XKR4: variants seen among roughly 807,000 people sequenced by gnomAD.
XKR4 encodes the protein XK related 4.
A neutral mutation model predicts 53.9 loss-of-function variants in XKR4; 12 were observed. The observed-to-expected ratio is 0.22, with a 90% CI of 0.14 to 0.36. The LOEUF is 0.36. Ranked by LOEUF, XKR4 falls within the 10% of genes least tolerant of loss-of-function variation. The probability of loss-of-function intolerance (pLI) is 1.00; values close to 1 mark genes in which losing one functional copy is unlikely to be tolerated. For synonymous variants in XKR4, 354 were observed against 362.4 expected, an observed-to-expected ratio of 0.98 and a Z score of 0.26; for missense variants, 799 against 859.5, an observed-to-expected ratio of 0.93 and a Z score of 0.88.
intron 1 of XKR4, among the ~76,000 whole-genome samples, chr8:55,203,252 C>T (rs2129362508): frequency 6.6e-6 from 1 of 152,386 alleles, no homozygotes; most frequent in South Asian, 2.1e-4. Flanking sequence ...GCTGTCCTCG[C>T]TTCTCTGCCC....
chr8:55,146,346 A>T (rs1204159579), intron 1 of XKR4, among the ~76,000 whole-genome samples: 1 of 152,240 alleles, frequency 6.6e-6, no homozygotes, highest in Non-Finnish European at 1.5e-5. Flanking sequence ...TTAAGGAAAG[A>T]CTTTCTAAAA....
intron 1 of XKR4, among the ~76,000 whole-genome samples, chr8:55,296,687 A>T (rs10504185): frequency 0.74 from 112,143 of 151,880 alleles, 44,900 homozygotes; most frequent in Non-Finnish European, 0.91. Flanking sequence ...GATTAGAAGA[A>T]GGAAGTAACA....
At chr8:55,148,017 C>A (rs1816792852) in intron 1 of XKR4, among the ~76,000 whole-genome samples, 1 of 152,104 alleles carries the variant, frequency 6.6e-6, no homozygotes, top group South Asian at 2.1e-4. Context: ...TTCCTCATTT[C>A]TCTAACCTGT....
chr8:55,470,562 C>T (rs941784019), intron 2 of XKR4, among the ~76,000 whole-genome samples: 3 of 152,134 alleles, frequency 2.0e-5, no homozygotes, highest in East Asian at 1.9e-4. Context: ...TTTCTTCTTA[C>T]GTTGCCAAGT....
At chr8:55,486,487 T>C (rs1035917570) in intron 2 of XKR4, among the ~76,000 whole-genome samples, 2 of 152,224 alleles carry the variant, frequency 1.3e-5, no homozygotes, top group African/African-American at 4.8e-5. Context: ...ATTAGAACTC[T>C]CTAAAAGTCT....
intron 2 of XKR4, among the ~76,000 whole-genome samples, chr8:55,476,950 G>C (rs543180105): frequency 6.6e-6 from 1 of 152,258 alleles, no homozygotes; most frequent in Admixed American, 6.5e-5. Flanking sequence ...TGCCTCTGTA[G>C]AGTCCACCTC....
chr8:55,437,546 C>T (rs1229637580), intron 2 of XKR4, among the ~76,000 whole-genome samples: 1 of 152,192 alleles, frequency 6.6e-6, no homozygotes, highest in Non-Finnish European at 1.5e-5. Flanking sequence ...GGTTAAAAAC[C>T]TCACCAGTTT....
At chr8:55,283,614 G>C (rs1027537463) in intron 1 of XKR4, among the ~76,000 whole-genome samples, 4 of 152,228 alleles carry the variant, frequency 2.6e-5, no homozygotes, top group African/African-American at 4.8e-5. Flanking sequence ...TTGTGGAGGA[G>C]AATGCTACTG....
At chr8:55,361,493 C>A in intron 2 of XKR4, among the ~76,000 whole-genome samples, 1 of 152,186 alleles carries the variant, frequency 6.6e-6, no homozygotes, top group Non-Finnish European at 1.5e-5. Flanking sequence ...AAATCTCACT[C>A]ATTCGTTTCA....
intron 1 of XKR4, among the ~76,000 whole-genome samples, chr8:55,144,840 A>ATTTTATTTTATTTTATTTTATTT (rs1386036885): frequency 1.6e-5 from 1 of 60,796 alleles, no homozygotes; most frequent in Admixed American, 2.0e-4. Flanking sequence ...TTATTTTATT[A>ATTTTATTTTATTTTATTTTATTT]TTATTTTTTG....
At chr8:55,139,504 C>A (rs1391206645) in intron 1 of XKR4, among the ~76,000 whole-genome samples, 1 of 60,754 alleles carries the variant, frequency 1.6e-5, no homozygotes, top group African/African-American at 7.9e-5. Flanking sequence ...CAGAGCAAGA[C>A]TCCGTCTCAA....
At chr8:55,521,366 CCTT>C (rs1243537176) in intron 2 of XKR4, among the ~76,000 whole-genome samples, 12 of 152,300 alleles carry the variant, frequency 7.9e-5, no homozygotes, top group East Asian at 1.9e-4. Context: ...ATTTCTCTCA[CCTT>C]CTTTTGTCAT....
At position 55,103,041 on chromosome 8, in the gene XKR4, T is replaced by G. The variant is rs1400444186; in HGVS notation, c.553T>G (p.Cys185Gly). ...CGCCACGGCCGCTGCTGCCTCCAGC[T>G]GCCCGCAGCCTGGAGCCGATTGCAA... is the stretch of plus-strand genomic sequence containing the variant. The part of the protein sequence containing the change: ...DSATAAAASS[C>G]PQPGADCKTV... The change falls in exon 1 of 3, where the codon TGC becomes GGC. Residue 185 changes from cysteine to glycine, a missense_variant. This residue lies in a region of XKR4 where 476 missense variants were observed against 505.4 expected (regional missense o/e 0.94). Transcript: ENST00000327381. The G allele has an allele frequency of 1.2e-6, 2 of 1,612,528 alleles. No individual in the cohort carries two copies. The highest frequency in any genetic ancestry group is 2.2e-5 in the East Asian group (1 of 44,864).
chr8:55,491,665 C>G (rs2929019), intron 2 of XKR4, among the ~76,000 whole-genome samples: 1 of 140,508 alleles, frequency 7.1e-6, no homozygotes, highest in Admixed American at 7.5e-5. Flanking sequence ...TTTTTTATTG[C>G]TGGGGAGAGG....
At chr8:55,353,257 C>T (rs1742516216) in intron 1 of XKR4, among the ~76,000 whole-genome samples, 1 of 152,154 alleles carries the variant, frequency 6.6e-6, no homozygotes. Flanking sequence ...AGAATAAGAT[C>T]TTTGTCATGA....
At chr8:55,328,369 A>C (rs1230728072) in intron 1 of XKR4, among the ~76,000 whole-genome samples, 1 of 152,208 alleles carries the variant, frequency 6.6e-6, no homozygotes, top group Non-Finnish European at 1.5e-5. Context: ...AAAACATAAC[A>C]TCAGTGTCCC....
chr8:55,170,364 G>A (rs1817141348), intron 1 of XKR4, among the ~76,000 whole-genome samples: 1 of 152,158 alleles, frequency 6.6e-6, no homozygotes, highest in Admixed American at 6.5e-5. Context: ...AGTCCTAAAA[G>A]TGCAAGAGGG....
At chr8:55,210,072 C>G (rs36159603) in intron 1 of XKR4, among the ~76,000 whole-genome samples, 23,330 of 134,056 alleles carry the variant, frequency 0.17, 2,147 homozygotes, top group Non-Finnish European at 0.23. Flanking sequence ...GAGTTTTATG[C>G]CTTCATCCTC....
chr8:55,213,054 G>T (rs1817751179), intron 1 of XKR4, among the ~76,000 whole-genome samples: 1 of 152,088 alleles, frequency 6.6e-6, no homozygotes, highest in Non-Finnish European at 1.5e-5. Context: ...CGTAAGTCTG[G>T]GTCTGTTTAG....
Sources: gnomAD v4.1 joint callset for allele counts (sites outside exome capture counted in the v4.1 genomes callset) on GRCh38, gnomAD v4.1.1 for gene constraint, gnomAD v4.1.1 regional missense constraint, MANE v1.5 for transcripts, NCBI Gene and HGNC (gene_info 2026-07-23, HGNC 2026-07-21) for gene names.